Variants in ANK2 observed in about 807,000 individuals in gnomAD.
The protein encoded by ANK2 is ankyrin-2.
Under a neutral mutation model 360.5 loss-of-function variants are expected in ANK2, and 83 were observed. The observed-to-expected ratio is 0.23, with a 90% CI of 0.19 to 0.28. The LOEUF (loss-of-function observed/expected upper bound fraction) is 0.28, where lower values mean the gene tolerates loss of function less well. Among genes scored for constraint, ANK2 ranks in the 10% least tolerant of loss-of-function variants. The probability of loss-of-function intolerance (pLI) is 1.00; values close to 1 mark genes in which losing one functional copy is unlikely to be tolerated. For synonymous variants in ANK2, 1,740 were observed against 1,759.5 expected, an observed-to-expected ratio of 0.99 and a Z score of 0.28; for missense variants, 4,201 against 4,795.7, an observed-to-expected ratio of 0.88 and a Z score of 3.66.
intron 1 of ANK2, among the ~76,000 whole-genome samples, chr4:113,136,761 CTT>C (rs112865867): frequency 5.7e-5 from 8 of 139,700 alleles, no homozygotes; most frequent in Middle Eastern, 3.8e-3. Context: ...AGGATTTTGG[CTT>C]TTTTTTTTTT....
At chr4:112,860,474 C>A (rs1438475549) in intron 1 of ANK2, among the ~76,000 whole-genome samples, 1 of 152,054 alleles carries the variant, frequency 6.6e-6, no homozygotes, top group East Asian at 1.9e-4. Flanking sequence ...ATCCGCCGGC[C>A]TTTGAACACT....
intron 1 of ANK2, among the ~76,000 whole-genome samples, chr4:112,829,915 C>T (rs368847672): frequency 6.6e-5 from 10 of 151,624 alleles, no homozygotes; most frequent in South Asian, 2.1e-4. Context: ...GTGGAGATCG[C>T]GCCACTGCAC....
At chr4:112,965,429 C>A (rs2036828336) in intron 2 of ANK2, among the ~76,000 whole-genome samples, 1 of 152,016 alleles carries the variant, frequency 6.6e-6, no homozygotes, top group Non-Finnish European at 1.5e-5. Flanking sequence ...AAGTAGTTTG[C>A]AAATATTTTC....
At chr4:112,896,096 A>G (rs1448046490) in intron 1 of ANK2, among the ~76,000 whole-genome samples, 3 of 152,226 alleles carry the variant, frequency 2.0e-5, no homozygotes, top group African/African-American at 7.2e-5. Context: ...TGACAGAGAA[A>G]AAGGAGCTCA....
intron 1 of ANK2, among the ~76,000 whole-genome samples, chr4:113,123,007 T>C (rs1037630321): frequency 1.3e-5 from 2 of 151,618 alleles, no homozygotes; most frequent in African/African-American, 2.4e-5. Flanking sequence ...ATTTGTGCAA[T>C]TGTGGCAAAA....
At chr4:113,179,539 CAA>C (rs2098339351) in intron 2 of ANK2, among the ~76,000 whole-genome samples, 4 of 152,138 alleles carry the variant, frequency 2.6e-5, no homozygotes, top group Admixed American at 2.6e-4. Context: ...AAAAGAATGT[CAA>C]GTTTTCATTT....
intron 1 of ANK2, among the ~76,000 whole-genome samples, chr4:112,849,816 T>G (rs1397423829): frequency 1.3e-5 from 2 of 152,232 alleles, no homozygotes; most frequent in African/African-American, 4.8e-5. Flanking sequence ...CCCAGATAGT[T>G]GGTGAACATT....
chr4:113,287,959 C>T (rs1481033050), intron 19 of ANK2, among the ~76,000 whole-genome samples: 1 of 152,224 alleles, frequency 6.6e-6, no homozygotes, highest in Non-Finnish European at 1.5e-5. Context: ...TCTATCCTCT[C>T]TCTTACTGCT....
intron 2 of ANK2, among the ~76,000 whole-genome samples, chr4:113,181,704 A>G (rs2098418463): frequency 6.6e-6 from 1 of 152,126 alleles, no homozygotes; most frequent in South Asian, 2.1e-4. Flanking sequence ...CATGCTGTGG[A>G]GGGAGCACAC....
intron 1 of ANK2, chr4:112,818,395 A>T (rs1293406425): frequency 6.6e-6 from 1 of 152,234 alleles, no homozygotes; most frequent in Non-Finnish European, 1.5e-5. Context: ...GGCGCTTTCC[A>T]TGCCATTCTG....
At chr4:113,177,888 G>T (rs545022933) in intron 2 of ANK2, among the ~76,000 whole-genome samples, 1 of 152,158 alleles carries the variant, frequency 6.6e-6, no homozygotes, top group East Asian at 1.9e-4. Flanking sequence ...TTGTAAAACA[G>T]GATAAAAACA....
intron 1 of ANK2, among the ~76,000 whole-genome samples, chr4:113,127,076 C>T (rs921079055): frequency 2.6e-5 from 4 of 152,108 alleles, no homozygotes; most frequent in African/African-American, 9.7e-5. Flanking sequence ...GAGAATGATG[C>T]TTCTTAGTTT....
At chr4:113,061,242 G>T (rs750649113) in intron 1 of ANK2, among the ~76,000 whole-genome samples, 1 of 152,108 alleles carries the variant, frequency 6.6e-6, no homozygotes, top group Non-Finnish European at 1.5e-5. Flanking sequence ...ACTAGCAACA[G>T]GTTAGGTGTG....
the ANK2 span, among the ~76,000 whole-genome samples, chr4:112,719,593 T>C: frequency 6.6e-6 from 1 of 151,512 alleles, no homozygotes; most frequent in Non-Finnish European, 1.5e-5. Flanking sequence ...CCAGGCGTTG[T>C]GGTGGGCGCC....
intron 2 of ANK2, among the ~76,000 whole-genome samples, chr4:113,005,640 TTAGA>T (rs760200725): frequency 6.6e-6 from 1 of 152,058 alleles, no homozygotes; most frequent in Non-Finnish European, 1.5e-5. Context: ...AAACATACAG[TTAGA>T]TAGAAGAAAT....
intron 2 of ANK2, among the ~76,000 whole-genome samples, chr4:113,005,798 G>C (rs923426653): frequency 6.6e-6 from 1 of 152,176 alleles, no homozygotes; most frequent in African/African-American, 2.4e-5. Context: ...TCTCATGAAT[G>C]TCTTGGTGCT....
intron 3 of ANK2, 118 bp from the exon 4 acceptor site, chr4:113,198,893 A>G: frequency 3.4e-6 from 3 of 880,036 alleles, no homozygotes; most frequent in Non-Finnish European, 5.4e-6. Context: ...TACTATCTTG[A>G]TAAATAACAA....
At chr4:113,055,224 A>G (rs1474026790) in intron 1 of ANK2, among the ~76,000 whole-genome samples, 1 of 152,046 alleles carries the variant, frequency 6.6e-6, no homozygotes, top group East Asian at 1.9e-4. Flanking sequence ...AAGACCCTGT[A>G]TCTAAAAAAA....
intron 42 of ANK2, 135 bp downstream of exon 42, chr4:113,367,986 A>AG (rs1347868434): frequency 1.7e-5 from 18 of 1,087,266 alleles, no homozygotes; most frequent in Non-Finnish European, 2.4e-5. Flanking sequence ...CCAGAGCTAA[A>AG]GGGGAAAAAA....
Sources: allele counts gnomAD v4.1 joint callset (sites outside exome capture counted in the v4.1 genomes callset), GRCh38; gene constraint gnomAD v4.1.1; transcripts MANE v1.5; gene names NCBI Gene and HGNC (gene_info 2026-07-23, HGNC 2026-07-21).